GABRB1: variants seen among roughly 807,000 people sequenced by gnomAD.
The protein encoded by GABRB1 is gamma-aminobutyric acid type A receptor subunit beta1, also known as gamma-aminobutyric acid receptor subunit beta-1.
In GABRB1, 17 loss-of-function variants were observed where a neutral mutation model predicts 51.6. The observed-to-expected ratio is 0.33, with a 90% CI of 0.23 to 0.49. The LOEUF (loss-of-function observed/expected upper bound fraction) is 0.49. Ranked by LOEUF, GABRB1 falls within the 20% of genes least tolerant of loss-of-function variation. The pLI is 0.99. For synonymous variants in GABRB1, 247 were observed against 218.9 expected (o/e 1.13, Z -1.14); for missense variants, 410 against 600.6 (o/e 0.68, Z 3.32).
At chr4:47,279,964 T>C (rs1332103718) in intron 4 of GABRB1, among the ~76,000 whole-genome samples, 1 of 151,944 alleles carries the variant, frequency 6.6e-6, no homozygotes, top group African/African-American at 2.4e-5. Flanking sequence ...TGTCTTTGGG[T>C]TGGAGAATTC....
At chr4:47,338,462 G>C (rs1725775031) in intron 5 of GABRB1, among the ~76,000 whole-genome samples, 1 of 152,172 alleles carries the variant, frequency 6.6e-6, no homozygotes, top group Admixed American at 6.5e-5. Flanking sequence ...CCAGTAACTA[G>C]AGAAACCTTT....
chr4:47,000,410 G>GT (rs1724143201), intron 1 of GABRB1, among the ~76,000 whole-genome samples: 3 of 152,182 alleles, frequency 2.0e-5, no homozygotes, highest in Non-Finnish European at 4.4e-5. Context: ...CTGGTGGTCA[G>GT]GACTTAGGTG....
intron 4 of GABRB1, among the ~76,000 whole-genome samples, chr4:47,215,986 T>TA (rs1720542552): frequency 1.3e-5 from 2 of 152,046 alleles, no homozygotes; most frequent in African/African-American, 2.4e-5. Flanking sequence ...CCTTTTACCT[T>TA]AAATGAATGG....
chr4:47,170,760 A>G (rs1718404718), intron 4 of GABRB1, among the ~76,000 whole-genome samples: 1 of 152,190 alleles, frequency 6.6e-6, no homozygotes. Context: ...GAAACAGCAG[A>G]CCGTACATAA....
intron 3 of GABRB1, among the ~76,000 whole-genome samples, chr4:47,160,311 G>T (rs1157654449): frequency 4.6e-5 from 7 of 152,124 alleles, no homozygotes; most frequent in African/African-American, 1.7e-4. Flanking sequence ...AGAGAGAAAT[G>T]TTGAATAGTG....
At chr4:47,171,347 C>A (rs1312802177) in intron 4 of GABRB1, among the ~76,000 whole-genome samples, 3 of 151,900 alleles carry the variant, frequency 2.0e-5, no homozygotes, top group Non-Finnish European at 4.4e-5. Flanking sequence ...AAACAAATAT[C>A]TCAGAAATGT....
intron 7 of GABRB1, among the ~76,000 whole-genome samples, chr4:47,406,455 C>T (rs919770570): frequency 3.3e-5 from 5 of 152,136 alleles, no homozygotes; most frequent in Non-Finnish European, 5.9e-5. Flanking sequence ...TGGTTTCAAC[C>T]CTTCATTAAC....
intron 4 of GABRB1, among the ~76,000 whole-genome samples, chr4:47,299,725 C>A (rs1724171263): frequency 6.6e-6 from 1 of 152,066 alleles, no homozygotes; most frequent in Non-Finnish European, 1.5e-5. Flanking sequence ...TTTGACCCAG[C>A]CATCCCATTA....
chr4:47,392,705 G>T (rs1728043406), intron 5 of GABRB1, among the ~76,000 whole-genome samples: 1 of 152,178 alleles, frequency 6.6e-6, no homozygotes, highest in South Asian at 2.1e-4. Context: ...CATGAAGCCA[G>T]AGAGGCAGGA....
intron 5 of GABRB1, among the ~76,000 whole-genome samples, chr4:47,348,095 C>T (rs975723786): frequency 2.0e-5 from 3 of 152,164 alleles, no homozygotes; most frequent in Admixed American, 2.0e-4. Context: ...TATTTCTCCT[C>T]ACCTGACAGA....
chr4:47,096,927 GCA>G (rs1714468261), intron 3 of GABRB1, among the ~76,000 whole-genome samples: 1 of 152,134 alleles, frequency 6.6e-6, no homozygotes, highest in African/African-American at 2.4e-5. Context: ...GACATCTAAC[GCA>G]CACACAACTG....
intron 5 of GABRB1, among the ~76,000 whole-genome samples, chr4:47,322,793 A>C (rs1725130629): frequency 6.6e-6 from 1 of 152,156 alleles, no homozygotes; most frequent in Non-Finnish European, 1.5e-5. Flanking sequence ...AAATATGGTG[A>C]AACCCCATCT....
chr4:47,180,996 G>A (rs928282256), intron 4 of GABRB1, among the ~76,000 whole-genome samples: 2 of 151,774 alleles, frequency 1.3e-5, no homozygotes, highest in African/African-American at 4.8e-5. Flanking sequence ...TTGGTATGGG[G>A]CTTTGGGTGA....
At chr4:47,070,198 G>T (rs1473218360) in intron 3 of GABRB1, among the ~76,000 whole-genome samples, 1 of 151,972 alleles carries the variant, frequency 6.6e-6, no homozygotes, top group Non-Finnish European at 1.5e-5. Context: ...ACCATGCCCA[G>T]CTAATTTTTG....
intron 4 of GABRB1, among the ~76,000 whole-genome samples, chr4:47,294,257 G>C (rs1723872280): frequency 6.6e-6 from 1 of 152,194 alleles, no homozygotes; most frequent in African/African-American, 2.4e-5. Flanking sequence ...AATGGGTGCA[G>C]GACAGTGGGT....
At chr4:47,418,819 A>G (rs1056990666) in intron 8 of GABRB1, among the ~76,000 whole-genome samples, 1 of 152,180 alleles carries the variant, frequency 6.6e-6, no homozygotes, top group Non-Finnish European at 1.5e-5. Context: ...TGCTCTGGCA[A>G]TTTTGAGATG....
chr4:47,017,909 T>A (rs1353701037), intron 1 of GABRB1, among the ~76,000 whole-genome samples: 1 of 152,230 alleles, frequency 6.6e-6, no homozygotes, highest in Non-Finnish European at 1.5e-5. Flanking sequence ...ATTCAGATTT[T>A]CAGATTTGAA....
At chr4:47,245,760 T>A (rs1176032516) in intron 4 of GABRB1, among the ~76,000 whole-genome samples, 1 of 151,942 alleles carries the variant, frequency 6.6e-6, no homozygotes, top group Non-Finnish European at 1.5e-5. Flanking sequence ...ACCACCATAT[T>A]TTTACATTTG....
chr4:47,146,804 C>T (rs1207691155), intron 3 of GABRB1, among the ~76,000 whole-genome samples: 3 of 151,908 alleles, frequency 2.0e-5, no homozygotes, highest in Non-Finnish European at 2.9e-5. Flanking sequence ...CTCAGCAAAC[C>T]GAGTTTTCTG....
Sources: allele counts gnomAD v4.1 joint callset (sites outside exome capture counted in the v4.1 genomes callset), GRCh38; gene constraint gnomAD v4.1.1; transcripts MANE v1.5; gene names NCBI Gene and HGNC (gene_info 2026-07-23, HGNC 2026-07-21).